Variants in BBX observed in about 807,000 individuals in gnomAD.
BBX encodes BBX high mobility group box domain containing.
BBX carries 30 observed loss-of-function variants against 100.2 expected under a neutral mutation model. The observed-to-expected ratio is 0.30, with a 90% CI of 0.22 to 0.41. The LOEUF (loss-of-function observed/expected upper bound fraction) is 0.41, where lower values mean the gene tolerates loss of function less well. Ranked by LOEUF, BBX falls within the 10% of genes least tolerant of loss-of-function variation. The pLI is 1.00. For synonymous variants in BBX, 376 were observed against 388.1 expected (o/e 0.97, Z 0.37); for missense variants, 1,023 against 1,129.8 (o/e 0.91, Z 1.35).
chr3:107,609,799 T>A (rs997505415), intron 2 of BBX, among the ~76,000 whole-genome samples: 1 of 152,096 alleles, frequency 6.6e-6, no homozygotes, highest in African/African-American at 2.4e-5. Context: ...TTTGTCAATT[T>A]ATTTATCTTT....
At chr3:107,691,736 G>A (rs2060182906) in intron 3 of BBX, among the ~76,000 whole-genome samples, 11 of 152,150 alleles carry the variant, frequency 7.2e-5, no homozygotes, top group Admixed American at 7.2e-4. Context: ...ATTCAAGGCA[G>A]TATTCTAAGC....
chr3:107,529,889 A>G (rs1020168060), intron 2 of BBX, among the ~76,000 whole-genome samples: 2 of 152,144 alleles, frequency 1.3e-5, no homozygotes, highest in Non-Finnish European at 2.9e-5. Flanking sequence ...ATGTGAGAGA[A>G]TACAAAAGAA....
chr3:107,809,613 A>G lies in BBX; in HGVS notation c.*4156A>G, dbSNP rs1390480273. On this transcript the variant is annotated 3_prime_UTR_variant, in exon 18 of 18. Coordinates refer to ENST00000325805, the MANE Select transcript of BBX (RefSeq NM_001142568.3). ...TTTTGCTTCTACCTTCAGTGCCACTATTTTCCACTGCAGTGTTTTGACTTC... is the reference window on the plus strand; with the variant it reads ...TTTTGCTTCTACCTTCAGTGCCACTGTTTTCCACTGCAGTGTTTTGACTTC... The G allele has an allele frequency of 6.6e-6, 1 of 152,188 alleles. No individual in the cohort carries two copies. Among genetic ancestry groups the G allele is most frequent in the Non-Finnish European group, 1.5e-5 (1 of 68,038 alleles). The allele number at this position is 152,188 out of a possible 1,614,324, so 9.4% of individuals were successfully genotyped here.
At chr3:107,641,119 C>G (rs2057176491) in intron 2 of BBX, among the ~76,000 whole-genome samples, 1 of 142,978 alleles carries the variant, frequency 7.0e-6, no homozygotes, top group East Asian at 2.1e-4. Context: ...GAATCTCACT[C>G]TGTCGCCCAG....
At chr3:107,625,335 T>C (rs1374571310) in intron 2 of BBX, among the ~76,000 whole-genome samples, 2 of 152,218 alleles carry the variant, frequency 1.3e-5, no homozygotes, top group Non-Finnish European at 2.9e-5. Context: ...TGGAGTGCAG[T>C]GGCACAATCT....
chr3:107,654,838 A>G (rs563804014), intron 3 of BBX, among the ~76,000 whole-genome samples: 203 of 152,264 alleles, frequency 1.3e-3, no homozygotes, highest in African/African-American at 4.7e-3. Context: ...AATGGGGCAA[A>G]TACCTGCCAT....
At chr3:107,565,041 A>T (rs904165413) in intron 2 of BBX, among the ~76,000 whole-genome samples, 2 of 151,836 alleles carry the variant, frequency 1.3e-5, no homozygotes, top group African/African-American at 4.8e-5. Flanking sequence ...AATCTCACAC[A>T]TTTTTTTCTT....
At chr3:107,751,778 T>C (rs963834887) in intron 9 of BBX, among the ~76,000 whole-genome samples, 1 of 152,198 alleles carries the variant, frequency 6.6e-6, no homozygotes, top group Non-Finnish European at 1.5e-5. Flanking sequence ...AATTTCAGCC[T>C]GTCTCCCATT....
intron 3 of BBX, among the ~76,000 whole-genome samples, chr3:107,709,537 A>T (rs568550295): frequency 1.3e-5 from 2 of 152,224 alleles, no homozygotes; most frequent in Non-Finnish European, 2.9e-5. Context: ...CATTTAAACC[A>T]ATGGCATTTA....
intron 9 of BBX, among the ~76,000 whole-genome samples, chr3:107,754,868 A>T (rs1368799915): frequency 6.6e-6 from 1 of 152,222 alleles, no homozygotes; most frequent in Non-Finnish European, 1.5e-5. Context: ...CTAGAAATGG[A>T]AAATGAAGTT....
intron 2 of BBX, among the ~76,000 whole-genome samples, chr3:107,597,036 G>A (rs2053711971): frequency 6.6e-6 from 1 of 152,126 alleles, no homozygotes; most frequent in Non-Finnish European, 1.5e-5. Flanking sequence ...ATTGACATTT[G>A]AAATTTTTCA....
intron 3 of BBX, among the ~76,000 whole-genome samples, chr3:107,662,214 G>A (rs971454106): frequency 9.2e-5 from 14 of 152,176 alleles, no homozygotes; most frequent in Admixed American, 3.9e-4. Context: ...GTATTAATCA[G>A]ATTTCCTGCA....
Position 107,587,345 on chromosome 3 carries a change from C to CAA in BBX, c.-83-58474_-83-58473dup, listed in dbSNP as rs1329577363. Among the ~76,000 whole-genome samples, 197 of 93,748 alleles carry CAA rather than the reference C, an allele frequency of 2.1e-3. 1 individual carries two copies. The highest frequency in any genetic ancestry group is 4.1e-3 in the African/African-American group (98 of 23,694). The allele number at this position is 93,748 out of a possible 152,430, so 61.5% of individuals were successfully genotyped here. A position where few individuals can be genotyped will look rare whatever the true frequency, so the allele number is the denominator to read the frequency against. ...CTGGTTGACTGAGAGACCCTGTCTC[C>CAA]AAAAAAAAAAAAAAAAAAGGAGTGA... is the stretch of plus-strand genomic sequence containing the variant. On this transcript the variant is annotated intron_variant, in intron 2 of 17. Transcript: ENST00000325805.
intron 3 of BBX, among the ~76,000 whole-genome samples, chr3:107,705,607 A>G (rs1325447163): frequency 6.6e-6 from 1 of 152,192 alleles, no homozygotes; most frequent in Non-Finnish European, 1.5e-5. Context: ...CAAATGGGAG[A>G]CATCTATGCT....
intron 2 of BBX, among the ~76,000 whole-genome samples, chr3:107,569,402 T>A (rs1306877006): frequency 1.3e-5 from 2 of 152,144 alleles, no homozygotes; most frequent in African/African-American, 2.4e-5. Flanking sequence ...TTTTTAATTT[T>A]TTTTTATTTT....
rs543651346 is a variant in BBX at position 107,638,129 on chromosome 3, C to T, written c.-83-7707C>T. ...GGCAGGTCTCACTGTATTGCCTAGG[C>T]TGGTCTCGAACTGCTGGAATCAAGC... On this transcript the variant is annotated intron_variant, in intron 2 of 17. Transcript: ENST00000325805. Among the ~76,000 whole-genome samples the T allele has an allele frequency of 7.2e-5, 11 of 152,276 alleles. No homozygotes were observed. The East Asian group carries it at 2.1e-3, about 29-fold the overall frequency.
At chr3:107,550,551 G>T (rs369517693) in intron 2 of BBX, among the ~76,000 whole-genome samples, 4 of 152,276 alleles carry the variant, frequency 2.6e-5, no homozygotes, top group South Asian at 4.1e-4. Flanking sequence ...GGGGTAAACC[G>T]CAAGCAATGG....
chr3:107,810,098 A>G lies in BBX; in HGVS notation c.*4641A>G, dbSNP rs1485069374. 1 of 152,078 alleles carries G rather than the reference A, an allele frequency of 6.6e-6. No homozygotes were observed. The highest frequency in any genetic ancestry group is 1.5e-5 in the Non-Finnish European group (1 of 68,022). 9.4% of individuals were successfully genotyped at this position (152,078 alleles called of 1,614,324 possible). A position where few individuals can be genotyped will look rare whatever the true frequency, so the allele number is the denominator to read the frequency against. On this transcript the variant is annotated 3_prime_UTR_variant, in exon 18 of 18. Coordinates refer to ENST00000325805, the MANE Select transcript of BBX (RefSeq NM_001142568.3). ...GAGGACCTTATCTTCCTTATATTTC[A>G]GAACAAAGAAGCAACAAGCGTGAAT... is the stretch of plus-strand genomic sequence containing the variant.
At chr3:107,614,801 G>A (rs1279073170) in intron 2 of BBX, among the ~76,000 whole-genome samples, 2 of 152,206 alleles carry the variant, frequency 1.3e-5, no homozygotes, top group Admixed American at 1.3e-4. Flanking sequence ...CAGACTGACT[G>A]TATATTAGGT....
Sources: allele counts gnomAD v4.1 joint callset (sites outside exome capture counted in the v4.1 genomes callset), GRCh38; gene constraint gnomAD v4.1.1; transcripts MANE v1.5; gene names NCBI Gene and HGNC (gene_info 2026-07-23, HGNC 2026-07-21).